FEZ1: variants seen among roughly 807,000 people sequenced by gnomAD.
FEZ1 encodes fasciculation and elongation protein zeta-1.
In FEZ1, 20 loss-of-function variants were observed where a neutral mutation model predicts 49.3. The observed-to-expected ratio is 0.41, with a 90% CI of 0.29 to 0.59. The LOEUF (loss-of-function observed/expected upper bound fraction) is 0.59. Ranked by LOEUF, FEZ1 falls within the 20% of genes least tolerant of loss-of-function variation. The pLI, the probability that FEZ1 is intolerant of heterozygous loss-of-function variation, is 0.36. For missense variants in FEZ1, 413 were observed against 476.0 expected, an observed-to-expected ratio of 0.87 and a Z score of 1.23; for synonymous variants, 170 against 180.9, an observed-to-expected ratio of 0.94 and a Z score of 0.48.
At chr11:125,496,032 A>T (rs1369926287) in intron 1 of FEZ1, 89 bp downstream of exon 1, 2 of 162,708 alleles carry the variant, frequency 1.2e-5, no homozygotes, top group Non-Finnish European at 2.6e-5. Flanking sequence ...GTCCTGTCAG[A>T]GAATCCCGGG....
intron 2 of FEZ1, among the ~76,000 whole-genome samples, chr11:125,483,384 A>G (rs562988079): frequency 6.6e-6 from 1 of 152,328 alleles, no homozygotes; most frequent in Non-Finnish European, 1.5e-5. Flanking sequence ...TCCTACCATT[A>G]CAAGAAAACA....
intron 1 of FEZ1, among the ~76,000 whole-genome samples, chr11:125,493,366 G>GAGAGA (rs1957404550): frequency 4.6e-5 from 1 of 21,792 alleles, no homozygotes; most frequent in African/African-American, 1.7e-4. Flanking sequence ...AGAGAGAAAA[G>GAGAGA]AAAGAAAGAA....
chr11:125,481,460 T>C, intron 3 of FEZ1, 74 bp downstream of exon 3: 1 of 881,160 alleles, frequency 1.1e-6, no homozygotes, highest in Non-Finnish European at 2.0e-6. Context: ...AGGAAGACTG[T>C]TGAGTTACTG....
intron 1 of FEZ1, among the ~76,000 whole-genome samples, chr11:125,493,686 C>CT (rs1957428284): frequency 6.6e-6 from 1 of 152,116 alleles, no homozygotes; most frequent in South Asian, 2.1e-4. Context: ...ACTAAGGCTT[C>CT]TTTTTTCAAT....
rs145405214 is a variant in FEZ1, at chr11:125,486,975, C to T, written c.311+2492G>A. 4.3e-3 allele frequency among the ~76,000 whole-genome samples: 658 copies of T among 152,282 alleles called. 4 individuals are homozygous for T. Among genetic ancestry groups the T allele is most frequent in the African/African-American group, 0.015 (609 of 41,562 alleles). On this transcript the variant is annotated intron_variant, in intron 2 of 9. Coordinates refer to ENST00000278919, the MANE Select transcript of FEZ1 (RefSeq NM_005103.5). ...AATTTTTCTCTTCCCAGCTTCCTCC[C>T]GCTACACTGTCCCCAAATTATACCT...
chr11:125,493,429 A>AGAAAGAAG (rs1957412789), intron 1 of FEZ1, among the ~76,000 whole-genome samples: 1 of 35,466 alleles, frequency 2.8e-5, no homozygotes, highest in South Asian at 1.0e-3. Flanking sequence ...AAAGAAGGAA[A>AGAAAGAAG]GAAGGAAAGA....
chr11:125,468,067 A>G (rs1335405080), intron 3 of FEZ1, among the ~76,000 whole-genome samples: 1 of 152,346 alleles, frequency 6.6e-6, no homozygotes, highest in African/African-American at 2.4e-5. Flanking sequence ...ATTTTGACCT[A>G]AAAATGTAAA....
At chr11:125,460,349 G>A (rs935296851) in intron 5 of FEZ1, 149 bp downstream of exon 5, 4 of 579,504 alleles carry the variant, frequency 6.9e-6, no homozygotes, top group Non-Finnish European at 1.1e-5. Context: ...CTGATGCCGA[G>A]TAAGAAAGGT....
At chr11:125,456,938 T>C (rs577908119) in intron 5 of FEZ1, among the ~76,000 whole-genome samples, 4 of 151,478 alleles carry the variant, frequency 2.6e-5, no homozygotes, top group East Asian at 2.0e-4. Context: ...AATCCCAGCA[T>C]ATTGGAAGGC....
chr11:125,466,931 A>T (rs1957135958), intron 3 of FEZ1, among the ~76,000 whole-genome samples: 1 of 152,038 alleles, frequency 6.6e-6, no homozygotes, highest in Non-Finnish European at 1.5e-5. Flanking sequence ...CTATTGTTTG[A>T]CATGAGTGGT....
chr11:125,452,647 TTC>T, intron 7 of FEZ1: 1 of 458,566 alleles, frequency 2.2e-6, no homozygotes, highest in Non-Finnish European at 3.8e-6. Flanking sequence ...CACTACAAAC[TTC>T]TCTGTTATTT....
At chr11:125,468,050 G>A (rs986525800) in intron 3 of FEZ1, among the ~76,000 whole-genome samples, 2 of 152,094 alleles carry the variant, frequency 1.3e-5, no homozygotes, top group Admixed American at 6.5e-5. Context: ...ATTAACTCAA[G>A]CAAATTATTT....
intron 3 of FEZ1, among the ~76,000 whole-genome samples, chr11:125,480,248 T>TGC (rs1391947178): frequency 1.3e-5 from 2 of 152,162 alleles, no homozygotes; most frequent in Admixed American, 6.5e-5. Context: ...TGGTGGCGTA[T>TGC]GCCTGTAGTC....
chr11:125,447,652 T>C (rs1313061263), intron 9 of FEZ1, among the ~76,000 whole-genome samples: 2 of 152,024 alleles, frequency 1.3e-5, no homozygotes, highest in South Asian at 2.1e-4. Context: ...TGAAACCCCG[T>C]CTCTACTAAA....
At chr11:125,452,180 T>G (rs979896065) in intron 8 of FEZ1, among the ~76,000 whole-genome samples, 154 bp downstream of exon 8, 2 of 152,186 alleles carry the variant, frequency 1.3e-5, no homozygotes, top group African/African-American at 4.8e-5. Flanking sequence ...AATTTTACAC[T>G]GTGCGGGAGG....
At position 125,445,767 on chromosome 11, in the gene FEZ1, T is replaced by C. The variant is rs1466482795; in HGVS notation, c.*328A>G. On this transcript the variant is annotated 3_prime_UTR_variant, in exon 10 of 10. Coordinates refer to ENST00000278919, the MANE Select transcript of FEZ1 (RefSeq NM_005103.5). The surrounding 1 kb of genome is among the most constrained non-coding windows in gnomAD (Gnocchi z 4.4). ...ATGAAGAATATTAATTAAATGAAGG[T>C]TTTATTTCAAAATTAGTCTTAAGAG... 1.6e-5 allele frequency: 6 copies of C among 378,284 alleles called. No individual in the cohort carries two copies. Among genetic ancestry groups the C allele is most frequent in the Non-Finnish European group, 3.1e-5 (6 of 195,014 alleles). 23.4% of individuals were successfully genotyped at this position (378,284 alleles called of 1,614,324 possible).
Position 125,489,284 on chromosome 11 carries a change from C to G in FEZ1, c.311+183G>C. ...GGTTTCAATTTAAGAAAGTTCTCCT[C>G]AGGGGACTGTAAAGGGACATATATA... On this transcript the variant is annotated intron_variant, in intron 2 of 9. Transcript: ENST00000278919. This position sits in a 1 kb window ranked among gnomAD's most constrained non-coding sequence, Gnocchi z 4.2. The G allele has an allele frequency of 8.0e-7, 1 of 1,255,040 alleles. No individual in the cohort carries two copies. Among genetic ancestry groups the G allele is most frequent in the Admixed American group, 4.0e-5 (1 of 25,288 alleles). 77.7% of individuals were successfully genotyped at this position (1,255,040 alleles called of 1,614,324 possible). A position where few individuals can be genotyped will look rare whatever the true frequency, so the allele number is the denominator to read the frequency against.
At chr11:125,456,839 T>G (rs1010630487) in intron 5 of FEZ1, among the ~76,000 whole-genome samples, 3 of 152,222 alleles carry the variant, frequency 2.0e-5, no homozygotes, top group Non-Finnish European at 4.4e-5. Flanking sequence ...GTTATATATT[T>G]TCATAGTTGA....
At chr11:125,493,361 GAAAA>G (rs1162401063) in intron 1 of FEZ1, among the ~76,000 whole-genome samples, 11 of 75,506 alleles carry the variant, frequency 1.5e-4, no homozygotes, top group Non-Finnish European at 2.4e-4. Flanking sequence ...AAGAAAGAGA[GAAAA>G]GAAAGAAAGA....
Sources: allele counts gnomAD v4.1 joint callset (sites outside exome capture counted in the v4.1 genomes callset), GRCh38; gene constraint gnomAD v4.1.1; non-coding constraint Gnocchi (gnomAD v3.1); transcripts MANE v1.5; gene names NCBI Gene and HGNC (gene_info 2026-07-23, HGNC 2026-07-21).